PLEKHG7: variants seen among roughly 807,000 people sequenced by gnomAD.
PLEKHG7 encodes the protein pleckstrin homology and RhoGEF domain containing G7, also known as pleckstrin homology domain-containing family G member 7.
PLEKHG7 carries 77 observed loss-of-function variants against 85.2 expected under a neutral mutation model. The ratio of observed to expected loss-of-function variants is 0.90; its 90% confidence interval spans 0.75 to 1.09. The LOEUF (loss-of-function observed/expected upper bound fraction) is 1.09, where lower values mean the gene tolerates loss of function less well. PLEKHG7 is among the 50% of genes least tolerant of loss of function. The probability of loss-of-function intolerance (pLI) is 0.00; values close to 1 mark genes in which losing one functional copy is unlikely to be tolerated. For synonymous variants in PLEKHG7, 301 were observed against 302.4 expected (o/e 1.00, Z 0.05); for missense variants, 777 against 804.3 (o/e 0.97, Z 0.41).
At chr12:92,707,475 G>A (rs758856526) in intron 2 of PLEKHG7, 175 bp from the exon 3 acceptor site, 36 of 1,448,970 alleles carry the variant, frequency 2.5e-5, no homozygotes, top group South Asian at 3.0e-5. Context: ...AGACAACGTC[G>A]TGTCACTGAT....
chr12:92,736,333 T>A (rs1387546368), intron 5 of PLEKHG7, 149 bp from the exon 6 acceptor site: 7 of 438,136 alleles, frequency 1.6e-5, no homozygotes, highest in Non-Finnish European at 2.6e-5. Context: ...AGCTCAGAAA[T>A]GGCTTTGGAA....
At chr12:92,718,783 A>T (rs1010663773) in intron 3 of PLEKHG7, among the ~76,000 whole-genome samples, 12 of 152,234 alleles carry the variant, frequency 7.9e-5, no homozygotes, top group African/African-American at 2.9e-4. Context: ...AAAAAACAGT[A>T]ACCTAGAAAG....
chr12:92,714,547 C>G (rs1330588108), intron 3 of PLEKHG7, among the ~76,000 whole-genome samples: 1 of 152,162 alleles, frequency 6.6e-6, no homozygotes, highest in Admixed American at 6.5e-5. Flanking sequence ...AGCTCTTTCT[C>G]TACAAGAGAT....
intron 10 of PLEKHG7, 54 bp from the exon 11 acceptor site, chr12:92,754,036 G>T: frequency 6.4e-7 from 1 of 1,565,554 alleles, no homozygotes. Flanking sequence ...AGGCTTCTTA[G>T]TGGCTCAGTG....
chr12:92,741,625 T>C (rs1296169972), intron 9 of PLEKHG7, 33 bp downstream of exon 9: 1 of 1,537,340 alleles, frequency 6.5e-7, no homozygotes, highest in East Asian at 2.3e-5. Flanking sequence ...CAGCTTCATG[T>C]AGTAAAATCA....
In PLEKHG7 at chr12:92,737,539, T is replaced by A. The variant is rs746991791; in HGVS notation, c.939+18T>A. 1 of 1,604,668 alleles carries A rather than the reference T, an allele frequency of 6.2e-7. No homozygotes were observed. Among genetic ancestry groups the A allele is most frequent in the South Asian group, 1.1e-5 (1 of 88,584 alleles). On this transcript the variant is annotated intron_variant, in intron 7 of 16. Transcript: ENST00000344636. ...TTAAGATGGTAATGCCAGGCTTAAT[T>A]TTTGTAGTAGATGGAAAATATTAAT...
chr12:92,711,546 T>C (rs896406730), intron 3 of PLEKHG7, among the ~76,000 whole-genome samples: 1 of 152,100 alleles, frequency 6.6e-6, no homozygotes, highest in Non-Finnish European at 1.5e-5. Flanking sequence ...GCAGTTCAGG[T>C]CGCATGGTGA....
At chr12:92,722,306 C>G (rs1360091360) in intron 3 of PLEKHG7, among the ~76,000 whole-genome samples, 2 of 152,146 alleles carry the variant, frequency 1.3e-5, no homozygotes, top group South Asian at 2.1e-4. Flanking sequence ...ATTTTCCGCA[C>G]CAATCCATGT....
At chr12:92,757,842 G>T (rs1484212648) in intron 13 of PLEKHG7, among the ~76,000 whole-genome samples, 3 of 152,188 alleles carry the variant, frequency 2.0e-5, no homozygotes, top group Non-Finnish European at 4.4e-5. Context: ...TGAGCTCTCA[G>T]ACAGGGAAGT....
chr12:92,732,604 G>A (rs1026317161), intron 5 of PLEKHG7, among the ~76,000 whole-genome samples: 3 of 152,210 alleles, frequency 2.0e-5, no homozygotes, highest in Non-Finnish European at 2.9e-5. Flanking sequence ...TTGCACAAAT[G>A]TATGCCCCAG....
chr12:92,761,634 G>T, intron 13 of PLEKHG7, 118 bp from the exon 14 acceptor site: 1 of 278,172 alleles, frequency 3.6e-6, no homozygotes. Context: ...AAGAAAGAAA[G>T]AAAGAAAGAA....
At chr12:92,752,683 G>A (rs1872723658) in intron 10 of PLEKHG7, among the ~76,000 whole-genome samples, 2 of 152,178 alleles carry the variant, frequency 1.3e-5, no homozygotes, top group South Asian at 4.1e-4. Flanking sequence ...ATGGAAGGTG[G>A]AAATGAGGCA....
chr12:92,743,681 C>A (rs1203520020), intron 9 of PLEKHG7, among the ~76,000 whole-genome samples: 1 of 152,122 alleles, frequency 6.6e-6, no homozygotes, highest in South Asian at 2.1e-4. Context: ...TGCCTCAGCC[C>A]CCCGAGTAGC....
At chr12:92,720,486 G>A (rs574796861) in intron 3 of PLEKHG7, among the ~76,000 whole-genome samples, 34 of 151,864 alleles carry the variant, frequency 2.2e-4, no homozygotes, top group African/African-American at 6.8e-4. Context: ...CCACCACATC[G>A]GGCTAATTTT....
Position 92,737,422 on chromosome 12 carries a change from G to A in PLEKHG7, c.840G>A (p.Pro280=), listed in dbSNP as rs146366019. Residue 280 remains proline (P), a synonymous_variant, in exon 7 of 17, where the codon CCG becomes CCA. Coordinates refer to ENST00000344636, the MANE Select transcript of PLEKHG7 (RefSeq NM_001377329.1). ...DEVLETHHKL[P]TDQLDLKKQQ... is the part of the protein sequence containing the mutation. ...TCTTGGAAACACATCACAAACTCCC[G>A]ACCGATCAATTAGACCTGAAAAAGC... The A allele has an allele frequency of 2.7e-4, 429 of 1,570,854 alleles. 4 individuals are homozygous for A. The East Asian group carries it at 7.1e-3, about 26-fold the overall frequency.
At chr12:92,730,195 C>G (rs759738424) in intron 4 of PLEKHG7, among the ~76,000 whole-genome samples, 1 of 152,158 alleles carries the variant, frequency 6.6e-6, no homozygotes, top group African/African-American at 2.4e-5. Flanking sequence ...CATCTACTTA[C>G]TGTCTTATAT....
intron 5 of PLEKHG7, among the ~76,000 whole-genome samples, chr12:92,734,473 T>A (rs2136596850): frequency 6.6e-6 from 1 of 152,346 alleles, no homozygotes; most frequent in South Asian, 2.1e-4. Flanking sequence ...TCCAACAAGG[T>A]AGGTAACATT....
At chr12:92,731,332 G>A (rs1332991572) in intron 4 of PLEKHG7, among the ~76,000 whole-genome samples, 2 of 152,192 alleles carry the variant, frequency 1.3e-5, no homozygotes, top group Admixed American at 6.5e-5. Context: ...TGTTGGGCAG[G>A]TGCCTCCCAA....
chr12:92,762,944 G>A (rs755272346), intron 14 of PLEKHG7, among the ~76,000 whole-genome samples: 5 of 151,978 alleles, frequency 3.3e-5, no homozygotes, highest in East Asian at 1.9e-4. Flanking sequence ...TCATAGTTTC[G>A]GAATTTGTAT....
Sources: allele counts gnomAD v4.1 joint callset (sites outside exome capture counted in the v4.1 genomes callset), GRCh38; gene constraint gnomAD v4.1.1; transcripts MANE v1.5; gene names NCBI Gene and HGNC (gene_info 2026-07-23, HGNC 2026-07-21).